Variants in ZNF606 observed in about 807,000 individuals in gnomAD.
The protein encoded by ZNF606 is zinc finger protein 328.
A neutral mutation model predicts 74.9 loss-of-function variants in ZNF606; 37 were observed. The ratio of observed to expected loss-of-function variants is 0.49; its 90% CI spans 0.38 to 0.65. The LOEUF is 0.65. ZNF606 is among the 30% of genes least tolerant of loss of function. The pLI is 0.00. For synonymous variants in ZNF606, 328 were observed against 312.4 expected (o/e 1.05, Z -0.53); for missense variants, 852 against 952.9 (o/e 0.89, Z 1.39).
intron 6 of ZNF606, 140 bp from the exon 7 acceptor site, chr19:57,980,419 G>T: frequency 5.1e-6 from 4 of 782,544 alleles, no homozygotes; most frequent in Non-Finnish European, 8.0e-6. Context: ...CTCAGAGAAA[G>T]ATCATAATAG....
rs778515875 is a variant in ZNF606, at chr19:57,978,372, C to T, written c.2308G>A (p.Gly770Arg). The change falls in exon 7 of 7, where the codon GGA (glycine) becomes AGA (arginine). Residue 770 changes from glycine (G) to arginine (R), a missense_variant. Around this residue, in one of 3 missense-constraint regions of ZNF606, gnomAD observed 64 missense variants for 51.1 expected, o/e 1.25. Transcript: ENST00000551380. The surrounding 1 kb of genome is among the most constrained non-coding windows in gnomAD (Gnocchi z 4.4). ...GEKRFICSEC[G>R]KAFSGHSALL... Reference sequence around the variant, plus strand: ...GCTGAGTGACCACTAAAGGCTTTTCCACATTCACTGCATATAAAGCGTTTC... The same window carrying T: ...GCTGAGTGACCACTAAAGGCTTTTCTACATTCACTGCATATAAAGCGTTTC... The T allele has an allele frequency of 3.1e-6, 5 of 1,609,362 alleles. No individual in the cohort carries two copies. The highest frequency in any genetic ancestry group is 4.3e-6 in the Non-Finnish European group (5 of 1,176,158).
chr19:57,979,315 G>C lies in ZNF606; in HGVS notation c.1365C>G (p.Pro455=). The change falls in exon 7 of 7, where the codon CCC becomes CCG. Residue 455 remains proline, a synonymous_variant. Coordinates refer to ENST00000551380, the MANE Select transcript of ZNF606 (RefSeq NM_001348022.3). ...CTTTTCCACATTTATTACATTCATA[G>C]GGTTTTATTCCAGTGTGAGTCCGTT... ...KHERTHTGIK[P]YECNKCGKAF... 1.2e-6 allele frequency: 2 copies of C among 1,613,966 alleles called. No individual in the cohort carries two copies. The highest frequency in any genetic ancestry group is 1.7e-6 in the Non-Finnish European group (2 of 1,179,988).
chr19:57,978,657 T>C lies in ZNF606; in HGVS notation c.2023A>G (p.Thr675Ala). The change falls in exon 7 of 7, where the codon ACT becomes GCT. Residue 675 changes from threonine to alanine, a missense_variant. This residue lies in a region of ZNF606 where 243 missense variants were observed against 359.2 expected (regional missense o/e 0.68). Coordinates refer to ENST00000551380, the MANE Select transcript of ZNF606 (RefSeq NM_001348022.3). The surrounding 1 kb of genome is among the most constrained non-coding windows in gnomAD (Gnocchi z 4.4). ...CHLVAHRRIH[T>A]GEKPYKCNQC... ...TTACATTTATAGGGTTTCTCACCAGTGTGAATTCTCCGATGAGCAACAAGG... is the reference window on the plus strand; with the variant it reads ...TTACATTTATAGGGTTTCTCACCAGCGTGAATTCTCCGATGAGCAACAAGG... The C allele has an allele frequency of 6.2e-7, 1 of 1,614,090 alleles. No homozygotes were observed. The highest frequency in any genetic ancestry group is 8.5e-7 in the Non-Finnish European group (1 of 1,180,034).
intron 5 of ZNF606, 74 bp downstream of exon 5, chr19:57,988,521 A>T: frequency 6.4e-7 from 1 of 1,555,758 alleles, no homozygotes; most frequent in Non-Finnish European, 8.7e-7. Flanking sequence ...CCCTGCAATG[A>T]GCTTCTAAAC....
intron 6 of ZNF606, among the ~76,000 whole-genome samples, chr19:57,982,864 C>T (rs1423177322): frequency 6.6e-6 from 1 of 152,052 alleles, no homozygotes; most frequent in Non-Finnish European, 1.5e-5. Context: ...CCAGGATGGT[C>T]TCAAATTCCT....
In ZNF606 at chr19:58,002,786, C is replaced by G. The variant is rs1416898425; in HGVS notation, c.-442G>C. On this transcript the variant is annotated 5_prime_UTR_variant, in exon 1 of 7. Transcript: ENST00000551380. The stretch of plus-strand genomic sequence containing the variant: ...GCCTGAGCAAAGGCCTCACCTCAGC[C>G]GCGGACAATGGCGGCTGCTTCCCCG... 6.6e-6 allele frequency: 3 copies of G among 452,990 alleles called. No individual in the cohort carries two copies. The highest frequency in any genetic ancestry group is 8.9e-6 in the Non-Finnish European group (2 of 225,468). 28.1% of individuals were successfully genotyped at this position (452,990 alleles called of 1,614,324 possible).
chr19:57,999,413 G>C (rs1243902714), intron 4 of ZNF606: 4 of 261,884 alleles, frequency 1.5e-5, no homozygotes, highest in Non-Finnish European at 2.9e-5. Flanking sequence ...AAAAGGGTCT[G>C]GGAGCTCCTC....
At chr19:57,987,390 T>C (rs573280237) in intron 6 of ZNF606, among the ~76,000 whole-genome samples, 1 of 152,190 alleles carries the variant, frequency 6.6e-6, no homozygotes, top group Non-Finnish European at 1.5e-5. Context: ...ACCACAGACA[T>C]GCACCATAAA....
At chr19:57,998,533 G>A (rs1288944025) in intron 4 of ZNF606, 1 of 152,168 alleles carries the variant, frequency 6.6e-6, no homozygotes, top group African/African-American at 2.4e-5. Context: ...GAGACAGAAA[G>A]TACACTAGTG....
rs1389687285 is a variant in ZNF606, at chr19:58,000,739, C to A, written c.32G>T (p.Gly11Val). ...CCCCCAAGATTGGTCCGTAAGGGCA[C>A]CTGCACAGAAGGATCAGGTTAGGAC... MAAINPWASW[G>V]ALTDQSWGMT... Residue 11 changes from glycine to valine, a missense_variant and splice_region_variant, in exon 3 of 7, where the codon GGT becomes GTT. Physicochemically the swap from Gly to Val is moderately radical, Grantham distance 109. Transcript: ENST00000551380. The A allele has an allele frequency of 1.3e-6, 2 of 1,590,470 alleles. No individual in the cohort carries two copies. Among genetic ancestry groups the A allele is most frequent in the Non-Finnish European group, 1.7e-6 (2 of 1,166,572 alleles).
intron 3 of ZNF606, chr19:58,000,135 GT>G: frequency 1.9e-6 from 1 of 535,534 alleles, no homozygotes. Context: ...GCAGTGTCTG[GT>G]CACAACCTTC....
At chr19:57,981,697 C>T (rs1296489802) in intron 6 of ZNF606, among the ~76,000 whole-genome samples, 1 of 152,178 alleles carries the variant, frequency 6.6e-6, no homozygotes, top group African/African-American at 2.4e-5. Context: ...TCACAGAATC[C>T]AGTCAATCAC....
intron 6 of ZNF606, among the ~76,000 whole-genome samples, chr19:57,986,791 G>A (rs537629562): frequency 3.3e-5 from 5 of 152,232 alleles, no homozygotes; most frequent in African/African-American, 9.6e-5. Flanking sequence ...AAATTAAGAT[G>A]TTAATTGTAG....
At chr19:57,980,708 G>A (rs1018039003) in intron 6 of ZNF606, among the ~76,000 whole-genome samples, 1 of 152,044 alleles carries the variant, frequency 6.6e-6, no homozygotes, top group African/African-American at 2.4e-5. Flanking sequence ...GGTGGCGGGT[G>A]CCTGTAGTCC....
intron 4 of ZNF606, among the ~76,000 whole-genome samples, chr19:57,989,240 A>G (rs898335844): frequency 2.0e-5 from 3 of 152,144 alleles, no homozygotes; most frequent in Non-Finnish European, 4.4e-5. Context: ...GACTGAAGCT[A>G]AGGGTGAGCA....
At position 57,988,301 on chromosome 19, in the gene ZNF606, T is replaced by C; in HGVS notation, c.306A>G (p.Gly102=). ...LETYGHLLSV[G]NQIAKPEVIS... is the part of the protein sequence containing the mutation. ...TGACCTCAGGCTTGGCAATCTGATTTCCTATGCATGGAGGAAAAGCATGGA... is the reference window on the plus strand; with the variant it reads ...TGACCTCAGGCTTGGCAATCTGATTCCCTATGCATGGAGGAAAAGCATGGA... Residue 102 remains glycine, a splice_region_variant and synonymous_variant, in exon 6 of 7, where the codon GGA becomes GGG. Coordinates refer to ENST00000551380, the MANE Select transcript of ZNF606 (RefSeq NM_001348022.3). 1 of 1,613,394 alleles carries C rather than the reference T, an allele frequency of 6.2e-7. No homozygotes were observed. The highest frequency in any genetic ancestry group is 1.7e-5 in the Admixed American group (1 of 59,840).
intron 6 of ZNF606, among the ~76,000 whole-genome samples, chr19:57,987,780 A>G (rs1170764746): frequency 6.6e-6 from 1 of 152,186 alleles, no homozygotes; most frequent in Non-Finnish European, 1.5e-5. Flanking sequence ...GTGAGCCGAG[A>G]TCGCACCACT....
Position 57,979,329 on chromosome 19 carries a change from T to C in ZNF606, c.1351A>G (p.Thr451Ala), listed in dbSNP as rs781449141. ...SALTKHERTH[T>A]GIKPYECNKC... ...TTACATTCATAGGGTTTTATTCCAGTGTGAGTCCGTTCATGTTTCGTAAGG... is the reference window on the plus strand; with the variant it reads ...TTACATTCATAGGGTTTTATTCCAGCGTGAGTCCGTTCATGTTTCGTAAGG... The change falls in exon 7 of 7, where the codon ACT (threonine) becomes GCT (alanine). Residue 451 changes from threonine (T) to alanine (A), a missense_variant. Physicochemically the swap from Thr to Ala is moderately conservative, Grantham distance 58 (BLOSUM62 0). Transcript: ENST00000551380. 5.6e-6 allele frequency: 9 copies of C among 1,613,676 alleles called. No individual in the cohort carries two copies. The East Asian group carries it at 1.3e-4, about 24-fold the overall frequency.
At chr19:57,991,311 A>C (rs1193223525) in intron 4 of ZNF606, among the ~76,000 whole-genome samples, 2 of 152,066 alleles carry the variant, frequency 1.3e-5, no homozygotes, top group African/African-American at 4.8e-5. Flanking sequence ...TGTCAAGTCC[A>C]AAGTTTGATT....
Sources: gnomAD v4.1 joint callset for allele counts (sites outside exome capture counted in the v4.1 genomes callset) on GRCh38, gnomAD v4.1.1 for gene constraint, gnomAD v4.1.1 regional missense constraint, Gnocchi (gnomAD v3.1) non-coding constraint, MANE v1.5 for transcripts, NCBI Gene and HGNC (gene_info 2026-07-23, HGNC 2026-07-21) for gene names.